DLGAP2: variants seen among roughly 807,000 people sequenced by gnomAD.
DLGAP2 encodes disks large-associated protein 2.
DLGAP2 carries 26 observed loss-of-function variants against 100.3 expected under a neutral mutation model. That is an observed-to-expected ratio of 0.26 (90% CI 0.19 to 0.36). DLGAP2 has a LOEUF of 0.36. Among genes scored for constraint, DLGAP2 ranks in the 10% least tolerant of loss-of-function variants. DLGAP2 has a pLI of 1.00. For missense variants in DLGAP2, 1,858 were observed against 1,453.2 expected (o/e 1.28, Z -4.53); for synonymous variants, 886 against 630.1 (o/e 1.41, Z -6.08).
intron 1 of DLGAP2, among the ~76,000 whole-genome samples, chr8:741,929 T>A (rs1820497449): frequency 6.6e-6 from 1 of 152,250 alleles, no homozygotes; most frequent in African/African-American, 2.4e-5. Context: ...CTTGCAGGGA[T>A]GGCCTGTCTG....
At chr8:1,466,353 G>A (rs1211734579) in intron 3 of DLGAP2, among the ~76,000 whole-genome samples, 1 of 152,106 alleles carries the variant, frequency 6.6e-6, no homozygotes. Context: ...CTCAGCCGTG[G>A]CTGCCGCAGG....
chr8:1,445,621 G>T (rs1311293620), intron 3 of DLGAP2, among the ~76,000 whole-genome samples: 1 of 152,106 alleles, frequency 6.6e-6, no homozygotes, highest in Middle Eastern at 3.2e-3. Flanking sequence ...GGGATGGCTG[G>T]GTCAAATGGT....
At chr8:1,668,275 AC>A (rs1798594756) in intron 8 of DLGAP2, 53 bp from the exon 9 acceptor site, 1 of 1,430,300 alleles carries the variant, frequency 7.0e-7, no homozygotes, top group East Asian at 2.5e-5. Flanking sequence ...ACAGTAGACC[AC>A]AGGCTGACGG....
At chr8:1,194,233 T>G (rs1444218064) in intron 2 of DLGAP2, among the ~76,000 whole-genome samples, 1 of 152,010 alleles carries the variant, frequency 6.6e-6, no homozygotes, top group East Asian at 1.9e-4. Flanking sequence ...CAGGAGGAGC[T>G]CAGCTGCTGG....
chr8:999,038 G>C (rs1338701985), intron 2 of DLGAP2, among the ~76,000 whole-genome samples: 1 of 152,104 alleles, frequency 6.6e-6, no homozygotes, highest in African/African-American at 2.4e-5. Flanking sequence ...AACCATACCA[G>C]GTTAGCTTCT....
chr8:1,153,896 A>G (rs959008154), intron 2 of DLGAP2, among the ~76,000 whole-genome samples: 11 of 152,190 alleles, frequency 7.2e-5, no homozygotes, highest in Non-Finnish European at 1.5e-4. Context: ...AATCAGTTCA[A>G]GTGCACTGGA....
chr8:953,342 T>G (rs1799525461), intron 2 of DLGAP2, among the ~76,000 whole-genome samples: 1 of 152,024 alleles, frequency 6.6e-6, no homozygotes, highest in African/African-American at 2.4e-5. Flanking sequence ...TACAGACACT[T>G]GTCACCACGC....
At chr8:1,357,571 G>C (rs1255461645) in intron 3 of DLGAP2, among the ~76,000 whole-genome samples, 1 of 152,100 alleles carries the variant, frequency 6.6e-6, no homozygotes, top group Non-Finnish European at 1.5e-5. Flanking sequence ...TGGTATTTTA[G>C]TGCAGAAAAT....
At chr8:972,620 T>TTTTTTTTC (rs1340774117) in intron 2 of DLGAP2, among the ~76,000 whole-genome samples, 1,711 of 146,716 alleles carry the variant, frequency 0.012, 36 homozygotes, top group African/African-American at 0.041. Flanking sequence ...TTTTTTCTTA[T>TTTTTTTTC]TTATTTATTT....
chr8:1,408,809 T>C (rs1490429823), intron 3 of DLGAP2, among the ~76,000 whole-genome samples: 3 of 151,898 alleles, frequency 2.0e-5, no homozygotes, highest in Non-Finnish European at 4.4e-5. Context: ...TCACTTTCAC[T>C]GCGTTAACAG....
At chr8:1,007,825 G>A (rs1010869672) in intron 2 of DLGAP2, among the ~76,000 whole-genome samples, 1 of 152,138 alleles carries the variant, frequency 6.6e-6, no homozygotes, top group Admixed American at 6.5e-5. Flanking sequence ...TGGTTAATTT[G>A]TGCCCAGTAA....
At chr8:1,372,775 C>A (rs191278033) in intron 3 of DLGAP2, among the ~76,000 whole-genome samples, 439 of 152,318 alleles carry the variant, frequency 2.9e-3, no homozygotes, top group African/African-American at 1.0e-2. Flanking sequence ...ATTAATTGTA[C>A]TGCAATAGAG....
In DLGAP2 at chr8:1,453,716, T is replaced by A. The variant is rs553873909; in HGVS notation, c.107-47650T>A. 3.3e-5 allele frequency among the ~76,000 whole-genome samples: 5 copies of A among 152,288 alleles called. No individual in the cohort carries two copies. In the East Asian group the frequency reaches 9.6e-4, roughly 29 times the overall value. On this transcript the variant is annotated intron_variant, in intron 3 of 14. Transcript: ENST00000637795. ...CGGGAGAATCCGCCCCATCAACTCT[T>A]CTCACGAGAGTATGCACTTGCCTAT...
intron 3 of DLGAP2, among the ~76,000 whole-genome samples, chr8:1,424,089 A>G (rs564132433): frequency 2.0e-5 from 3 of 152,218 alleles, no homozygotes; most frequent in African/African-American, 7.2e-5. Context: ...CACTCAGAGG[A>G]CACCAGCATG....
Position 983,130 on chromosome 8 carries a change from G to A in DLGAP2, c.73+75164G>A, listed in dbSNP as rs115967816. On this transcript the variant is annotated intron_variant, in intron 2 of 14. Coordinates refer to ENST00000637795, the MANE Select transcript of DLGAP2 (RefSeq NM_001346810.2). Reference sequence around the variant, plus strand: ...GGACTAGCCGGCCTTGGTCCACACAGCACAAGTTTCCCATTTAGATAATGT... The same window carrying A: ...GGACTAGCCGGCCTTGGTCCACACAACACAAGTTTCCCATTTAGATAATGT... Among the ~76,000 whole-genome samples the A allele has an allele frequency of 2.0e-3, 306 of 152,270 alleles. 1 individual carries two copies. The highest frequency in any genetic ancestry group is 6.3e-3 in the African/African-American group (260 of 41,562).
chr8:1,210,730 CG>C (rs1165013462), intron 2 of DLGAP2, among the ~76,000 whole-genome samples: 4 of 151,740 alleles, frequency 2.6e-5, no homozygotes, highest in African/African-American at 9.7e-5. Flanking sequence ...CCCCCACCCC[CG>C]GCCCTGGTTC....
At chr8:1,326,187 G>A (rs1249152140) in intron 3 of DLGAP2, among the ~76,000 whole-genome samples, 3 of 152,256 alleles carry the variant, frequency 2.0e-5, no homozygotes, top group Non-Finnish European at 4.4e-5. Flanking sequence ...CTATTAGCAT[G>A]CTTTTACCAT....
rs537222733 is a variant in DLGAP2, at chr8:1,351,650, C to A, written c.106+92767C>A. 4.4e-4 allele frequency among the ~76,000 whole-genome samples: 31 copies of A among 69,710 alleles called. 2 individuals carry two copies. Among genetic ancestry groups the A allele is most frequent in the African/African-American group, 1.2e-3 (26 of 21,682 alleles). The allele number at this position is 69,710 out of a possible 152,430, so 45.7% of individuals were successfully genotyped here. A position where few individuals can be genotyped will look rare whatever the true frequency, so the allele number is the denominator to read the frequency against. On this transcript the variant is annotated intron_variant, in intron 3 of 14. Coordinates refer to ENST00000637795, the MANE Select transcript of DLGAP2 (RefSeq NM_001346810.2). ...CGGGTCCTGAGTGTGCGTGGAAAGG[C>A]CGTGCGGGTCCTGACTGTGTGTGGA...
intron 3 of DLGAP2, among the ~76,000 whole-genome samples, chr8:1,344,398 C>T (rs1275631323): frequency 2.0e-5 from 3 of 152,338 alleles, no homozygotes; most frequent in Non-Finnish European, 4.4e-5. Context: ...GGTCTAGTGT[C>T]ACTTTCTCTG....
Sources: gnomAD v4.1 joint callset for allele counts (sites outside exome capture counted in the v4.1 genomes callset) on GRCh38, gnomAD v4.1.1 for gene constraint, MANE v1.5 for transcripts, NCBI Gene and HGNC (gene_info 2026-07-23, HGNC 2026-07-21) for gene names.